MEF2A: variants seen among roughly 807,000 people sequenced by gnomAD.
The protein encoded by MEF2A is myocyte enhancer factor 2A.
Under a neutral mutation model 55.8 loss-of-function variants are expected in MEF2A, and 28 were observed. The observed-to-expected ratio is 0.50, with a 90% confidence interval of 0.37 to 0.69. MEF2A has a LOEUF of 0.69. Among genes scored for constraint, MEF2A ranks in the 30% least tolerant of loss-of-function variants. The pLI is 0.00. For missense variants in MEF2A, 528 were observed against 626.2 expected, an observed-to-expected ratio of 0.84 and a Z score of 1.67; for synonymous variants, 239 against 227.1, an observed-to-expected ratio of 1.05 and a Z score of -0.47.
chr15:99,711,977 T>G (rs2058689759), intron 11 of MEF2A, among the ~76,000 whole-genome samples: 4 of 152,166 alleles, frequency 2.6e-5, no homozygotes. Flanking sequence ...TTAGAGGTGT[T>G]GCGAGGATGA....
chr15:99,661,153 A>C (rs1429190919), intron 4 of MEF2A, among the ~76,000 whole-genome samples: 1 of 152,160 alleles, frequency 6.6e-6, no homozygotes, highest in Non-Finnish European at 1.5e-5. Context: ...TGGTATAGGG[A>C]CAATTGGGTA....
intron 7 of MEF2A, among the ~76,000 whole-genome samples, chr15:99,689,846 A>C (rs1427154017): frequency 1.3e-5 from 2 of 152,214 alleles, no homozygotes; most frequent in Admixed American, 6.5e-5. Context: ...AAGTATCATT[A>C]GTCTTAAGCT....
chr15:99,703,216 T>C (rs1328677212), intron 8 of MEF2A, 146 bp from the exon 9 acceptor site: 2 of 642,690 alleles, frequency 3.1e-6, no homozygotes, highest in Non-Finnish European at 5.4e-6. Context: ...AAGTAATTTA[T>C]ATTTCTATCT....
At chr15:99,569,588 TTAAATA>T (rs1961228152) in intron 1 of MEF2A, among the ~76,000 whole-genome samples, 1 of 152,222 alleles carries the variant, frequency 6.6e-6, no homozygotes, top group Admixed American at 6.5e-5. Context: ...AAGATTCAAG[TTAAATA>T]TAAATAGTTT....
At chr15:99,633,528 C>T (rs184697417) in intron 3 of MEF2A, among the ~76,000 whole-genome samples, 68 of 152,112 alleles carry the variant, frequency 4.5e-4, no homozygotes, top group African/African-American at 1.4e-3. Context: ...TTTAAGTTAT[C>T]ACATCTGTTT....
intron 3 of MEF2A, among the ~76,000 whole-genome samples, chr15:99,636,242 T>G (rs2043811745): frequency 6.6e-6 from 1 of 152,204 alleles, no homozygotes; most frequent in Admixed American, 6.5e-5. Flanking sequence ...GCTGCCTGCT[T>G]TTTTCTTATT....
chr15:99,612,667 T>C (rs974351091), intron 2 of MEF2A, among the ~76,000 whole-genome samples: 2 of 152,156 alleles, frequency 1.3e-5, no homozygotes, highest in Non-Finnish European at 2.9e-5. Context: ...ATTGTGCTAC[T>C]GCGTTCCAAT....
intron 3 of MEF2A, among the ~76,000 whole-genome samples, chr15:99,642,387 T>C (rs2045178553): frequency 6.6e-6 from 1 of 152,180 alleles, no homozygotes; most frequent in African/African-American, 2.4e-5. Context: ...TTTTAATAAA[T>C]ATTTTTCCTT....
chr15:99,615,804 G>A (rs573376278), intron 2 of MEF2A, among the ~76,000 whole-genome samples: 98 of 152,282 alleles, frequency 6.4e-4, no homozygotes, highest in Non-Finnish European at 1.1e-3. Context: ...TATACTACAC[G>A]TTGTACTATA....
At chr15:99,634,567 T>C (rs1443569781) in intron 3 of MEF2A, among the ~76,000 whole-genome samples, 1 of 152,140 alleles carries the variant, frequency 6.6e-6, no homozygotes, top group African/African-American at 2.4e-5. Context: ...CACATAAAAT[T>C]TTCGAGCCCT....
At chr15:99,661,987 T>A (rs1033701226) in intron 4 of MEF2A, among the ~76,000 whole-genome samples, 2 of 152,186 alleles carry the variant, frequency 1.3e-5, no homozygotes, top group African/African-American at 4.8e-5. Context: ...TATGGCGGAA[T>A]CTCATAAACA....
intron 3 of MEF2A, among the ~76,000 whole-genome samples, chr15:99,643,675 T>C (rs1055263684): frequency 7.9e-5 from 12 of 151,380 alleles, no homozygotes; most frequent in Non-Finnish European, 1.6e-4. Flanking sequence ...CACTGCAAGC[T>C]CTGCCTCCAG....
chr15:99,692,211 G>A (rs1460557735), intron 8 of MEF2A, among the ~76,000 whole-genome samples: 2 of 152,178 alleles, frequency 1.3e-5, no homozygotes, highest in East Asian at 3.8e-4. Context: ...ATTAGCCTGT[G>A]TCATTGCAAG....
At chr15:99,650,269 A>G (rs555773872) in intron 4 of MEF2A, among the ~76,000 whole-genome samples, 1 of 152,332 alleles carries the variant, frequency 6.6e-6, no homozygotes, top group Non-Finnish European at 1.5e-5. Flanking sequence ...GGTCTGTGAC[A>G]TTAACCTTTC....
Position 99,706,708 on chromosome 15 carries a change from TTC to T in MEF2A, c.883-17_883-16del. 1 of 1,610,476 alleles carries T rather than the reference TTC, an allele frequency of 6.2e-7. No homozygotes were observed. Among genetic ancestry groups the T allele is most frequent in the Non-Finnish European group, 8.5e-7 (1 of 1,176,620 alleles). ...CATAAATACCACATCAGAACACATT[TTC>T]TCTTTTTTGATCTCACAGAATACCC... On this transcript the variant is annotated intron_variant, in intron 9 of 11. Coordinates refer to ENST00000557942, the MANE Select transcript of MEF2A (RefSeq NM_001319206.4).
rs1391756444 is a variant in MEF2A at position 99,712,798 on chromosome 15, T to A, written c.*27T>A. ...GCTTCCAAGCTGATGTTTGTACTTT[T>A]GTGTTACTGCAGTGACCTGCCCTAC... On this transcript the variant is annotated 3_prime_UTR_variant, in exon 12 of 12. Transcript: ENST00000557942. The surrounding 1 kb of genome is among the most constrained non-coding windows in gnomAD (Gnocchi z 4.1). 8.4e-6 allele frequency: 13 copies of A among 1,547,278 alleles called. No individual in the cohort carries two copies. The highest frequency in any genetic ancestry group is 2.0e-5 in the Admixed American group (1 of 50,888).
intron 10 of MEF2A, among the ~76,000 whole-genome samples, chr15:99,710,194 ATGTATGT>A (rs2058476549): frequency 6.6e-6 from 1 of 152,284 alleles, no homozygotes; most frequent in East Asian, 1.9e-4. Context: ...TTAGACCCAC[ATGTATGT>A]TGTTTTGTTG....
At chr15:99,687,134 G>T (rs996308114) in intron 7 of MEF2A, among the ~76,000 whole-genome samples, 1 of 84,984 alleles carries the variant, frequency 1.2e-5, no homozygotes. Flanking sequence ...TCACCATGTT[G>T]CCCAGGCTGG....
chr15:99,676,512 A>G (rs1272816937), intron 7 of MEF2A, among the ~76,000 whole-genome samples: 2 of 152,054 alleles, frequency 1.3e-5, no homozygotes, highest in Non-Finnish European at 2.9e-5. Context: ...TCTAGAAGTA[A>G]AGTAAACCAG....
Sources: allele counts gnomAD v4.1 joint callset (sites outside exome capture counted in the v4.1 genomes callset), GRCh38; gene constraint gnomAD v4.1.1; non-coding constraint Gnocchi (gnomAD v3.1); transcripts MANE v1.5; gene names NCBI Gene and HGNC (gene_info 2026-07-23, HGNC 2026-07-21).